Variants in MFSD11 observed in about 807,000 individuals in gnomAD.
The protein encoded by MFSD11 is UNC93-like protein MFSD11.
Under a neutral mutation model 53.5 loss-of-function variants are expected in MFSD11, and 36 were observed. The ratio of observed to expected loss-of-function variants is 0.67; its 90% CI spans 0.52 to 0.89. The LOEUF (loss-of-function observed/expected upper bound fraction) is 0.89. Ranked by LOEUF, MFSD11 falls within the 40% of genes least tolerant of loss-of-function variation. The pLI is 0.00. For missense variants in MFSD11, 530 were observed against 543.9 expected (o/e 0.97, Z 0.25); for synonymous variants, 186 against 184.9 (o/e 1.01, Z -0.05).
the MFSD11 span, among the ~76,000 whole-genome samples, chr17:76,797,124 G>C: frequency 6.6e-6 from 1 of 152,030 alleles, no homozygotes; most frequent in Non-Finnish European, 1.5e-5. Flanking sequence ...AGCTGAGATC[G>C]CACCACTGTA....
At chr17:76,738,473 C>A (rs1329800890) in intron 1 of MFSD11, 25 bp downstream of exon 1, 2 of 1,516,498 alleles carry the variant, frequency 1.3e-6, no homozygotes, top group Non-Finnish European at 1.8e-6. Flanking sequence ...GTCCTCCCTC[C>A]TTTGAAGTGC....
At chr17:76,795,560 A>T in the MFSD11 span, among the ~76,000 whole-genome samples, 2 of 152,156 alleles carry the variant, frequency 1.3e-5, no homozygotes, top group Non-Finnish European at 2.9e-5. Flanking sequence ...GCTATTTTAT[A>T]TCAAGGACTT....
chr17:76,774,930 G>T, intron 10 of MFSD11, 67 bp from the exon 11 acceptor site: 1 of 1,501,558 alleles, frequency 6.7e-7, no homozygotes, highest in Admixed American at 2.0e-5. Flanking sequence ...CTCCTTGGTG[G>T]TAACTCAGGC....
chr17:76,768,592 G>A lies in MFSD11; in HGVS notation c.748+1141G>A, dbSNP rs185788295. On this transcript the variant is annotated intron_variant, in intron 9 of 12. Coordinates refer to ENST00000685175, the MANE Select transcript of MFSD11 (RefSeq NM_001242532.5). ...ATTTACTCTAATTTTTTAATCTTTG[G>A]AATTTTCTTTTCCTAGAAAAAGGGG... Among the ~76,000 whole-genome samples the A allele has an allele frequency of 2.0e-3, 298 of 152,110 alleles. 1 individual carries two copies. The highest frequency in any genetic ancestry group is 3.1e-3 in the Non-Finnish European group (210 of 68,004).
Position 76,746,169 on chromosome 17 carries a change from T to C in MFSD11, c.641+1703T>C, listed in dbSNP as rs576720839. Among the ~76,000 whole-genome samples, 13 of 152,348 alleles carry C rather than the reference T, an allele frequency of 8.5e-5. No homozygotes were observed. In the South Asian group the frequency reaches 1.9e-3, roughly 22 times the overall value. Reference sequence around the variant, plus strand: ...CTTATTGCTGATACGGAGAAAGTTTTAGTGGTCTGGATAGAAGATCAACCC... The same window carrying C: ...CTTATTGCTGATACGGAGAAAGTTTCAGTGGTCTGGATAGAAGATCAACCC... On this transcript the variant is annotated intron_variant, in intron 7 of 12. Coordinates refer to ENST00000685175, the MANE Select transcript of MFSD11 (RefSeq NM_001242532.5).
the MFSD11 span, among the ~76,000 whole-genome samples, chr17:76,798,445 C>T: frequency 4.6e-5 from 7 of 152,258 alleles, no homozygotes; most frequent in East Asian, 1.9e-4. Flanking sequence ...TGGGATGAAA[C>T]GCCCAACCTT....
intron 7 of MFSD11, among the ~76,000 whole-genome samples, chr17:76,745,238 A>AC (rs1422544818): frequency 2.0e-5 from 3 of 152,354 alleles, no homozygotes; most frequent in Admixed American, 1.3e-4. Context: ...TCCCATGCTG[A>AC]CTTTGTAATC....
intron 8 of MFSD11, among the ~76,000 whole-genome samples, chr17:76,757,368 C>T (rs2079756587): frequency 6.6e-6 from 1 of 152,158 alleles, no homozygotes; most frequent in African/African-American, 2.4e-5. Context: ...AAAGTAGACT[C>T]AGGGGCCAGT....
intron 12 of MFSD11, 80 bp from the exon 13 acceptor site, chr17:76,778,108 A>ACAAC: frequency 6.9e-7 from 1 of 1,444,934 alleles, no homozygotes; most frequent in South Asian, 1.2e-5. Flanking sequence ...TTGGGGCAGG[A>ACAAC]TAGGAGTGGG....
At chr17:76,791,801 G>A in the MFSD11 span, among the ~76,000 whole-genome samples, 2 of 147,920 alleles carry the variant, frequency 1.4e-5, no homozygotes, top group Non-Finnish European at 1.5e-5. Context: ...AGAATGAAGC[G>A]CTTTGGGTTT....
At chr17:76,743,373 C>A in intron 5 of MFSD11, 25 bp from the exon 6 acceptor site, 3 of 1,475,884 alleles carry the variant, frequency 2.0e-6, no homozygotes, top group Non-Finnish European at 2.8e-6. Flanking sequence ...TACCCAACAT[C>A]CTATCCTCCC....
rs1004200693 is a variant in MFSD11 at position 76,777,573 on chromosome 17, C to G, written c.1186-615C>G. On this transcript the variant is annotated intron_variant, in intron 12 of 12. Transcript: ENST00000685175. ...ATTTTATTTTATTTTTTTGTTTCCT[C>G]TTTTTTTTTCCTTTTTTTGCTTTTG... is the stretch of plus-strand genomic sequence containing the variant. Among the ~76,000 whole-genome samples, 12 of 151,010 alleles carry G rather than the reference C, an allele frequency of 7.9e-5. 1 individual carries two copies. Among genetic ancestry groups the G allele is most frequent in the Admixed American group, 6.6e-4 (10 of 15,118 alleles).
At chr17:76,762,898 A>G (rs1391875340) in intron 8 of MFSD11, among the ~76,000 whole-genome samples, 1 of 150,836 alleles carries the variant, frequency 6.6e-6, no homozygotes, top group African/African-American at 2.4e-5. Flanking sequence ...AACTCCCCAC[A>G]TTCCTTTGTT....
In MFSD11 at chr17:76,753,953, A is replaced by T; in HGVS notation, c.642-94A>T. 4 of 1,057,716 alleles carry T rather than the reference A, an allele frequency of 3.8e-6. No homozygotes were observed. In the South Asian group the frequency reaches 5.8e-5, roughly 15 times the overall value. 65.5% of individuals were successfully genotyped at this position (1,057,716 alleles called of 1,614,324 possible). Reference sequence around the variant, plus strand: ...ATGCATCTCAGACCTGGTATAGGACAGGGTTTTTACGAACGTAAATGAAAA... The same window carrying T: ...ATGCATCTCAGACCTGGTATAGGACTGGGTTTTTACGAACGTAAATGAAAA... On this transcript the variant is annotated intron_variant, in intron 7 of 12. Transcript: ENST00000685175.
intron 8 of MFSD11, among the ~76,000 whole-genome samples, chr17:76,760,724 T>G (rs2080144801): frequency 6.6e-6 from 1 of 150,774 alleles, no homozygotes; most frequent in Non-Finnish European, 1.5e-5. Flanking sequence ...AGAAGTGGGG[T>G]TTTGTTATGT....
chr17:76,770,019 G>T (rs1016105780), intron 10 of MFSD11, 148 bp downstream of exon 10: 9 of 659,300 alleles, frequency 1.4e-5, no homozygotes, highest in African/African-American at 1.0e-4. Context: ...TTCTATTATT[G>T]CTATTCTTTT....
Position 76,776,400 on chromosome 17 carries a change from C to T in MFSD11, c.1050-6C>T, listed in dbSNP as rs1291463422. ...CTCATACTAAATTGATTTTTATTTTCTTCAGCAAAGAAGTTGCCATTCTCT... is the reference window on the plus strand; with the variant it reads ...CTCATACTAAATTGATTTTTATTTTTTTCAGCAAAGAAGTTGCCATTCTCT... On this transcript the variant is annotated splice_polypyrimidine_tract_variant and splice_region_variant and intron_variant, in intron 11 of 12. Coordinates refer to ENST00000685175, the MANE Select transcript of MFSD11 (RefSeq NM_001242532.5). This position sits in a 1 kb window ranked among gnomAD's most constrained non-coding sequence, Gnocchi z 4.2. The T allele has an allele frequency of 6.2e-7, 1 of 1,611,666 alleles. No individual in the cohort carries two copies. The highest frequency in any genetic ancestry group is 1.7e-5 in the Admixed American group (1 of 59,354).
intron 11 of MFSD11, among the ~76,000 whole-genome samples, chr17:76,775,750 T>C (rs1403626503): frequency 6.6e-6 from 1 of 152,174 alleles, no homozygotes; most frequent in Admixed American, 6.5e-5. Flanking sequence ...TATTAGAACA[T>C]TTCAGGTTAC....
At chr17:76,800,610 G>A in the MFSD11 span, among the ~76,000 whole-genome samples, 1 of 152,030 alleles carries the variant, frequency 6.6e-6, no homozygotes, top group African/African-American at 2.4e-5. Flanking sequence ...CCCTTTAATG[G>A]TACATTATTA....
Sources: allele counts gnomAD v4.1 joint callset (sites outside exome capture counted in the v4.1 genomes callset), GRCh38; gene constraint gnomAD v4.1.1; non-coding constraint Gnocchi (gnomAD v3.1); transcripts MANE v1.5; gene names NCBI Gene and HGNC (gene_info 2026-07-23, HGNC 2026-07-21).